The following CALN1 variants were observed in gnomAD, a reference collection of about 807,000 sequenced individuals.
The protein encoded by CALN1 is calneuron 1.
Under a neutral mutation model 30.6 loss-of-function variants are expected in CALN1, and 17 were observed. That is an observed-to-expected ratio of 0.56 (90% confidence interval 0.38 to 0.83). The LOEUF (loss-of-function observed/expected upper bound fraction) is 0.83, where lower values mean the gene tolerates loss of function less well. CALN1 is among the 40% of genes least tolerant of loss of function. CALN1 has a pLI of 0.00. For missense variants in CALN1, 291 were observed against 354.9 expected, an observed-to-expected ratio of 0.82 and a Z score of 1.45; for synonymous variants, 156 against 131.4, an observed-to-expected ratio of 1.19 and a Z score of -1.28.
At position 72,106,308 on chromosome 7, in the gene CALN1, G is replaced by C; in HGVS notation, c.245-14C>G. On this transcript the variant is annotated splice_polypyrimidine_tract_variant and intron_variant, in intron 3 of 6. Coordinates refer to ENST00000395275, the MANE Select transcript of CALN1 (RefSeq NM_031468.4). ...CCTCTCGGATTTCTACAATGGAAAAGCAAAGAAAGTCCAGTGGTCACATGG... is the reference window on the plus strand; with the variant it reads ...CCTCTCGGATTTCTACAATGGAAAACCAAAGAAAGTCCAGTGGTCACATGG... 6.2e-7 allele frequency: 1 copy of C among 1,613,704 alleles called. No individual in the cohort carries two copies. Among genetic ancestry groups the C allele is most frequent in the South Asian group, 1.1e-5 (1 of 91,072 alleles).
At chr7:72,478,887 CT>C in the CALN1 span, among the ~76,000 whole-genome samples, 2 of 139,356 alleles carry the variant, frequency 1.4e-5, no homozygotes, top group Non-Finnish European at 1.5e-5. Flanking sequence ...CGAACCACTT[CT>C]TTTTTTTTTT....
At chr7:72,205,571 T>TACACAC (rs1465359782) in intron 3 of CALN1, among the ~76,000 whole-genome samples, 4 of 122,406 alleles carry the variant, frequency 3.3e-5, no homozygotes, top group African/African-American at 1.1e-4. Context: ...TATATATGTA[T>TACACAC]ATATATATAT....
chr7:72,321,214 T>C (rs1248625237), intron 2 of CALN1, among the ~76,000 whole-genome samples: 1 of 152,192 alleles, frequency 6.6e-6, no homozygotes, highest in Admixed American at 6.5e-5. Flanking sequence ...TTCGCATTTA[T>C]TGTCTTCATC....
chr7:71,973,056 T>C (rs1365680509), intron 5 of CALN1, among the ~76,000 whole-genome samples: 2 of 152,182 alleles, frequency 1.3e-5, no homozygotes, highest in Non-Finnish European at 2.9e-5. Flanking sequence ...CAAACGCTGA[T>C]CTATTCCAGT....
chr7:72,193,059 A>G (rs1271804773), intron 3 of CALN1, among the ~76,000 whole-genome samples: 1 of 151,906 alleles, frequency 6.6e-6, no homozygotes. Context: ...GTGGTACCAC[A>G]TGCCTCTAGT....
intron 2 of CALN1, among the ~76,000 whole-genome samples, chr7:72,342,691 G>C (rs1440965906): frequency 6.6e-6 from 1 of 152,076 alleles, no homozygotes; most frequent in Non-Finnish European, 1.5e-5. Flanking sequence ...CAGACACCAA[G>C]ACAAGTGCTA....
At chr7:71,792,684 G>C (rs950639639) in intron 6 of CALN1, among the ~76,000 whole-genome samples, 3 of 152,172 alleles carry the variant, frequency 2.0e-5, no homozygotes, top group African/African-American at 7.2e-5. Context: ...GAATGTGGAA[G>C]TAGCATATCC....
At position 71,935,653 on chromosome 7, in the gene CALN1, G is replaced by A. The variant is rs1203274640; in HGVS notation, c.501+88004C>T. Among the ~76,000 whole-genome samples, 14 of 152,282 alleles carry A rather than the reference G, an allele frequency of 9.2e-5. No individual in the cohort carries two copies. In the East Asian group the frequency reaches 1.7e-3, roughly 19 times the overall value. On this transcript the variant is annotated intron_variant, in intron 5 of 6. Coordinates refer to ENST00000395275, the MANE Select transcript of CALN1 (RefSeq NM_031468.4). ...AAGGAGAATCGCTTGAACCCGGGAG[G>A]AGAAGTTGCGGTGAGCGGAGATCGC...
At chr7:72,437,982 T>C (rs1229934661) in intron 1 of CALN1, among the ~76,000 whole-genome samples, 1 of 150,068 alleles carries the variant, frequency 6.7e-6, no homozygotes, top group African/African-American at 2.5e-5. Flanking sequence ...CCCTTCTCTT[T>C]CTTTCTTCTT....
intron 2 of CALN1, among the ~76,000 whole-genome samples, chr7:72,331,181 C>A (rs1025563558): frequency 3.3e-5 from 5 of 152,042 alleles, no homozygotes; most frequent in African/African-American, 1.2e-4. Context: ...GAAACCCCGT[C>A]TCTACTAAAA....
chr7:72,285,275 T>C (rs1798010323), intron 2 of CALN1, among the ~76,000 whole-genome samples: 1 of 152,188 alleles, frequency 6.6e-6, no homozygotes, highest in Non-Finnish European at 1.5e-5. Context: ...GATGGAGTCT[T>C]GCTCTGTTGC....
At chr7:72,020,537 G>A (rs1201203757) in intron 5 of CALN1, among the ~76,000 whole-genome samples, 1 of 152,176 alleles carries the variant, frequency 6.6e-6, no homozygotes, top group Non-Finnish European at 1.5e-5. Context: ...ATTGATGGAT[G>A]TTTTTGTTCT....
rs1207950148 is a variant in CALN1, at chr7:71,795,832, T to TC, written c.659-7931_659-7930insG. On this transcript the variant is annotated intron_variant, in intron 6 of 6. Coordinates refer to ENST00000395275, the MANE Select transcript of CALN1 (RefSeq NM_031468.4). ...CTTCATTCTTTTTTTTTTTTTTTTTTTTTTGAGACAGAGTCTTGCTCTGTC... is the reference window on the plus strand; with the variant it reads ...CTTCATTCTTTTTTTTTTTTTTTTTTCTTTTGAGACAGAGTCTTGCTCTGTC... Among the ~76,000 whole-genome samples, 22 of 146,904 alleles carry TC rather than the reference T, an allele frequency of 1.5e-4. No homozygotes were observed. The East Asian group carries it at 2.8e-3, about 19-fold the overall frequency.
chr7:72,231,403 A>G (rs1794090380), intron 3 of CALN1, among the ~76,000 whole-genome samples: 1 of 152,200 alleles, frequency 6.6e-6, no homozygotes, highest in Non-Finnish European at 1.5e-5. Context: ...CTGTTACTGC[A>G]TTAGACTGCT....
At chr7:72,261,690 A>C (rs1796283595) in intron 3 of CALN1, among the ~76,000 whole-genome samples, 1 of 152,176 alleles carries the variant, frequency 6.6e-6, no homozygotes, top group African/African-American at 2.4e-5. Flanking sequence ...GGCCTCCAGA[A>C]GTGCTGGGAT....
intron 3 of CALN1, among the ~76,000 whole-genome samples, chr7:72,221,148 T>C (rs894285440): frequency 6.6e-6 from 1 of 152,052 alleles, no homozygotes; most frequent in South Asian, 2.1e-4. Context: ...ACCATAAACA[T>C]GATGTTGGCG....
intron 5 of CALN1, among the ~76,000 whole-genome samples, chr7:71,998,161 A>C (rs1469233419): frequency 6.6e-6 from 1 of 152,100 alleles, no homozygotes; most frequent in South Asian, 2.1e-4. Flanking sequence ...ATTATTCTCT[A>C]GAAATGAGGG....
chr7:71,823,547 G>A (rs754533098), intron 5 of CALN1, among the ~76,000 whole-genome samples: 23 of 151,936 alleles, frequency 1.5e-4, no homozygotes, highest in Non-Finnish European at 3.1e-4. Context: ...GTGAAACCCC[G>A]TCTCTACTAA....
intron 2 of CALN1, among the ~76,000 whole-genome samples, chr7:72,316,486 CA>C (rs1295958231): frequency 2.0e-5 from 3 of 152,020 alleles, no homozygotes; most frequent in Non-Finnish European, 4.4e-5. Context: ...AGTAAAGACA[CA>C]CAACATCCAC....
Sources: allele counts gnomAD v4.1 joint callset (sites outside exome capture counted in the v4.1 genomes callset), GRCh38; gene constraint gnomAD v4.1.1; transcripts MANE v1.5; gene names NCBI Gene and HGNC (gene_info 2026-07-23, HGNC 2026-07-21).